DOK4: variants seen among roughly 807,000 people sequenced by gnomAD.
DOK4 encodes docking protein 4.
In DOK4, 26 loss-of-function variants were observed where a neutral mutation model predicts 40.1. That is an observed-to-expected ratio of 0.65 (90% CI 0.48 to 0.90). The LOEUF is 0.90. DOK4 is among the 40% of genes least tolerant of loss of function. DOK4 has a pLI of 0.00. For synonymous variants in DOK4, 179 were observed against 177.0 expected (o/e 1.01, Z -0.09); for missense variants, 392 against 437.2 (o/e 0.90, Z 0.92).
Position 57,485,923 on chromosome 16 carries a change from G to A in DOK4, c.-182+382C>T, listed in dbSNP as rs2031526671. ...GGAGGTGAGCGAACAGGAGGCCCCG[G>A]GGAGGAGCAGGAAGGCAGAGAGAAG... On this transcript the variant is annotated intron_variant, in intron 1 of 8. Transcript: ENST00000340099. The surrounding 1 kb of genome is among the most constrained non-coding windows in gnomAD (Gnocchi z 4.3). Among the ~76,000 whole-genome samples the A allele has an allele frequency of 6.6e-6, 1 of 152,210 alleles. No homozygotes were observed. The highest frequency in any genetic ancestry group is 6.5e-5 in the Admixed American group (1 of 15,284).
chr16:57,484,238 C>G (rs1487680927), intron 1 of DOK4: 1 of 152,368 alleles, frequency 6.6e-6, no homozygotes, highest in Non-Finnish European at 1.5e-5. Context: ...CCTGACAGAT[C>G]GGATCTTATC....
chr16:57,482,588 C>T (rs2031448024), intron 1 of DOK4, among the ~76,000 whole-genome samples: 1 of 151,876 alleles, frequency 6.6e-6, no homozygotes, highest in Admixed American at 6.6e-5. Flanking sequence ...AGGATGGTCT[C>T]GATCTCCTGA....
At position 57,485,915 on chromosome 16, in the gene DOK4, A is replaced by T. The variant is rs1220295321; in HGVS notation, c.-182+390T>A. 2.6e-5 allele frequency among the ~76,000 whole-genome samples: 4 copies of T among 152,144 alleles called. No individual in the cohort carries two copies. Among genetic ancestry groups the T allele is most frequent in the African/African-American group, 9.7e-5 (4 of 41,434 alleles). Reference sequence around the variant, plus strand: ...AATTTGGAGGAGGTGAGCGAACAGGAGGCCCCGGGGAGGAGCAGGAAGGCA... The same window carrying T: ...AATTTGGAGGAGGTGAGCGAACAGGTGGCCCCGGGGAGGAGCAGGAAGGCA... On this transcript the variant is annotated intron_variant, in intron 1 of 8. Transcript: ENST00000340099. The surrounding 1 kb of genome is among the most constrained non-coding windows in gnomAD (Gnocchi z 4.3).
rs183028726 is a variant in DOK4 at position 57,475,045 on chromosome 16, C to T, written c.409+55G>A. 2,003 of 1,577,428 alleles carry T rather than the reference C, an allele frequency of 1.3e-3. 15 individuals carry two copies. The Middle Eastern group carries it at 0.028, about 22-fold the overall frequency. On this transcript the variant is annotated intron_variant, in intron 5 of 8. Coordinates refer to ENST00000340099, the Ensembl canonical transcript of DOK4. ...GCCCCAGATGGGGACTTCCTCCCTCCCTTCCTCTCTTCCTCCTCCCCCTCC... is the reference window on the plus strand; with the variant it reads ...GCCCCAGATGGGGACTTCCTCCCTCTCTTCCTCTCTTCCTCCTCCCCCTCC...
chr16:57,482,971 C>T (rs151018567), intron 1 of DOK4, among the ~76,000 whole-genome samples: 2,137 of 152,274 alleles, frequency 0.014, 16 homozygotes, highest in Non-Finnish European at 0.02. Flanking sequence ...TGTCCATAGG[C>T]CCCACCCCGT....
At chr16:57,473,870 C>CT in intron 7 of DOK4, 31 bp downstream of exon 7, 2 of 1,611,454 alleles carry the variant, frequency 1.2e-6, no homozygotes, top group African/African-American at 1.3e-5. Flanking sequence ...CCCCCTCCCC[C>CT]CGTACCCTGG....
At chr16:57,474,084 G>C in intron 6 of DOK4, 45 bp from the exon 7 acceptor site, 1 of 1,608,514 alleles carries the variant, frequency 6.2e-7, no homozygotes, top group Non-Finnish European at 8.5e-7. Flanking sequence ...ACCCACCACA[G>C]ACATGCATGT....
rs745508207 is a variant in DOK4 at position 57,475,660 on chromosome 16, A to ATCTCTCTCTCTCTCTCTC, written c.175-58_175-41dup. 1.9e-4 allele frequency: 89 copies of ATCTCTCTCTCTCTCTCTC among 476,980 alleles called. 2 individuals carry two copies. The highest frequency in any genetic ancestry group is 2.8e-4 in the East Asian group (6 of 21,794). The allele number at this position is 476,980 out of a possible 1,614,324, so 29.5% of individuals were successfully genotyped here. A position where few individuals can be genotyped will look rare whatever the true frequency, so the allele number is the denominator to read the frequency against. On this transcript the variant is annotated intron_variant, in intron 3 of 8. Transcript: ENST00000340099. Reference sequence around the variant, plus strand: ...ACAAGGGACTTAGCCAGGCCAGTGCATCTCTCTCTCTCTCTCTCTCTCTCT... The same window carrying ATCTCTCTCTCTCTCTCTC: ...ACAAGGGACTTAGCCAGGCCAGTGCATCTCTCTCTCTCTCTCTCTCTCTCTCTCTCTCTCTCTCTCTCT...
At position 57,485,941 on chromosome 16, in the gene DOK4, G is replaced by A. The variant is rs1363511232; in HGVS notation, c.-182+364C>T. On this transcript the variant is annotated intron_variant, in intron 1 of 8. Coordinates refer to ENST00000340099, the Ensembl canonical transcript of DOK4. The surrounding 1 kb of genome is among the most constrained non-coding windows in gnomAD (Gnocchi z 4.3). ...GGCCCCGGGGAGGAGCAGGAAGGCA[G>A]AGAGAAGGTTGGGAGCTGCCAGGGG... Among the ~76,000 whole-genome samples the A allele has an allele frequency of 6.6e-6, 1 of 152,210 alleles. No homozygotes were observed.
At position 57,485,404 on chromosome 16, in the gene DOK4, TG is replaced by T. The variant is rs1367695322; in HGVS notation, c.-182+900del. ...GAGGCACAGCTCCTGGGATCAGAGTTGGGGGTGGGGGCAGGAAGAGCCTGTA... is the reference window on the plus strand; with the variant it reads ...GAGGCACAGCTCCTGGGATCAGAGTTGGGGTGGGGGCAGGAAGAGCCTGTA... On this transcript the variant is annotated intron_variant, in intron 1 of 8. Coordinates refer to ENST00000340099, the Ensembl canonical transcript of DOK4. The surrounding 1 kb of genome is among the most constrained non-coding windows in gnomAD (Gnocchi z 4.3). Among the ~76,000 whole-genome samples the T allele has an allele frequency of 6.6e-6, 1 of 152,054 alleles. No individual in the cohort carries two copies. Among genetic ancestry groups the T allele is most frequent in the Non-Finnish European group, 1.5e-5 (1 of 68,006 alleles).
rs1321002679 is a variant in DOK4, at chr16:57,475,541, G to A, written c.254C>T (p.Thr85Ile). ...GGTGAAGGTACGTGCCGAGTCATCA[G>A]TGAATATGATGGCCACCGCCTGCCG... Residue 85 changes from threonine (T) to isoleucine (I), a missense_variant, in exon 4 of 9, where the codon ACT becomes ATT. By Grantham distance (89) the Thr-to-Ile change is moderately conservative. Transcript: ENST00000340099. The A allele has an allele frequency of 4.3e-6, 7 of 1,609,786 alleles. No homozygotes were observed. In the East Asian group the frequency reaches 1.6e-4, roughly 36 times the overall value.
At chr16:57,487,208 G>C (rs1171044788), upstream of DOK4, 1 of 152,196 alleles carries the variant, frequency 6.6e-6, no homozygotes, top group Non-Finnish European at 1.5e-5. Flanking sequence ...GCCTCCTCTG[G>C]GGAGGAGCTG....
chr16:57,478,339 G>C (rs758642354), intron 2 of DOK4, among the ~76,000 whole-genome samples: 11 of 150,314 alleles, frequency 7.3e-5, no homozygotes, highest in Non-Finnish European at 1.3e-4. Flanking sequence ...AAGCTGGGTG[G>C]CAGATCCCTC....
intron 2 of DOK4, 84 bp from the exon 3 acceptor site, chr16:57,476,041 A>C: frequency 8.1e-7 from 1 of 1,232,344 alleles, no homozygotes; most frequent in Non-Finnish European, 1.2e-6. Context: ...CCTGCCTGCC[A>C]CAGGGGGCGG....
At chr16:57,486,127 A>G (rs1250027733) in intron 1 of DOK4, among the ~76,000 whole-genome samples, 178 bp downstream of exon 1, 1 of 151,996 alleles carries the variant, frequency 6.6e-6, no homozygotes, top group African/African-American at 2.4e-5. Flanking sequence ...GGGCCCAGGC[A>G]CTGGCTTTTG....
upstream of DOK4, chr16:57,487,292 T>G (rs2031566037): frequency 6.6e-6 from 1 of 152,270 alleles, no homozygotes; most frequent in South Asian, 2.1e-4. Flanking sequence ...GACCAGAAGC[T>G]TCCCATCACC....
chr16:57,487,229 GGTT>G (rs1393004627), upstream of DOK4: 3 of 152,194 alleles, frequency 2.0e-5, no homozygotes, highest in African/African-American at 7.2e-5. Flanking sequence ...TCCCCCCTCT[GGTT>G]TTCACGTCTG....
At chr16:57,481,251 C>T (rs563386591) in intron 1 of DOK4, among the ~76,000 whole-genome samples, 1 of 152,258 alleles carries the variant, frequency 6.6e-6, no homozygotes, top group Non-Finnish European at 1.5e-5. Context: ...CCAGTGGGCA[C>T]ACGCAAACAA....
At chr16:57,473,847 T>G in intron 7 of DOK4, 54 bp downstream of exon 7, 1 of 1,594,588 alleles carries the variant, frequency 6.3e-7, no homozygotes, top group African/African-American at 1.4e-5. Context: ...TGGCCCTGCC[T>G]GCCCGCCCGT....
Sources: allele counts gnomAD v4.1 joint callset (sites outside exome capture counted in the v4.1 genomes callset), GRCh38; gene constraint gnomAD v4.1.1; non-coding constraint Gnocchi (gnomAD v3.1); transcripts MANE v1.5; gene names NCBI Gene and HGNC (gene_info 2026-07-23, HGNC 2026-07-21).